Variants in ELF1 observed in about 807,000 individuals in gnomAD.
The protein encoded by ELF1 is E74 like ETS transcription factor 1.
In ELF1, 24 loss-of-function variants were observed where a neutral mutation model predicts 59.9. The ratio of observed to expected loss-of-function variants is 0.40; its 90% CI spans 0.29 to 0.56. The LOEUF is 0.56. Ranked by LOEUF, ELF1 falls within the 20% of genes least tolerant of loss-of-function variation. The pLI, the probability that ELF1 is intolerant of heterozygous loss-of-function variation, is 0.44. For missense variants in ELF1, 627 were observed against 742.2 expected, an observed-to-expected ratio of 0.84 and a Z score of 1.80; for synonymous variants, 248 against 266.2, an observed-to-expected ratio of 0.93 and a Z score of 0.67.
At chr13:40,971,927 TAAAC>T (rs1272662558) in intron 2 of ELF1, among the ~76,000 whole-genome samples, 1 of 141,246 alleles carries the variant, frequency 7.1e-6, no homozygotes, top group East Asian at 2.1e-4. Context: ...AGTTATGAGG[TAAAC>T]AAACAGGTAG....
At chr13:40,961,790 A>C (rs1871838637) in intron 2 of ELF1, among the ~76,000 whole-genome samples, 2 of 152,200 alleles carry the variant, frequency 1.3e-5, no homozygotes. Flanking sequence ...TCCAGAATTA[A>C]GCACTTTTAT....
At chr13:41,045,925 C>T (rs1876824518) in intron 1 of ELF1, among the ~76,000 whole-genome samples, 1 of 152,124 alleles carries the variant, frequency 6.6e-6, no homozygotes, top group African/African-American at 2.4e-5. Flanking sequence ...GTCTAAGTCT[C>T]TCTATAGGTC....
At chr13:40,973,222 G>C (rs1444377141) in intron 2 of ELF1, among the ~76,000 whole-genome samples, 1 of 152,046 alleles carries the variant, frequency 6.6e-6, no homozygotes, top group Non-Finnish European at 1.5e-5. Context: ...TCCTGGTCTC[G>C]TATCTTCAGT....
At chr13:40,963,045 T>G (rs1278565038) in intron 2 of ELF1, among the ~76,000 whole-genome samples, 1 of 152,210 alleles carries the variant, frequency 6.6e-6, no homozygotes. Context: ...ACGAGACATT[T>G]TGCACATTGC....
At chr13:41,014,772 G>C (rs1875260746) in intron 1 of ELF1, among the ~76,000 whole-genome samples, 1 of 152,026 alleles carries the variant, frequency 6.6e-6, no homozygotes, top group Non-Finnish European at 1.5e-5. Context: ...CAAATGAGGG[G>C]AATTTTCTTC....
chr13:40,941,000 G>GTAC lies in ELF1; in HGVS notation c.1174_1176dup (p.Val392dup), dbSNP rs1566165245. ...GCTGCTTCTCCCTCTGGGACAGCCT[G>GTAC]TACTGGCTGTACTACATGAACAGTC... On this transcript the variant is annotated inframe_insertion, in exon 8 of 9. Coordinates refer to ENST00000239882, the MANE Select transcript of ELF1 (RefSeq NM_172373.4). 6.2e-7 allele frequency: 1 copy of GTAC among 1,614,228 alleles called. No homozygotes were observed.
chr13:40,976,704 C>T (rs1473813884), intron 2 of ELF1, among the ~76,000 whole-genome samples: 1 of 152,020 alleles, frequency 6.6e-6, no homozygotes, highest in Non-Finnish European at 1.5e-5. Context: ...ATCACGCCTG[C>T]TAATTTTGTA....
intron 1 of ELF1, among the ~76,000 whole-genome samples, chr13:41,048,500 C>T (rs1246799248): frequency 6.6e-6 from 1 of 152,098 alleles, no homozygotes; most frequent in Non-Finnish European, 1.5e-5. Context: ...CTTACTGCAG[C>T]CTTGACCTCC....
chr13:40,982,525 A>C (rs1217513272), intron 1 of ELF1, among the ~76,000 whole-genome samples: 1 of 151,332 alleles, frequency 6.6e-6, no homozygotes, highest in Non-Finnish European at 1.5e-5. Flanking sequence ...TCTCCAGTTA[A>C]ACTACTGTTA....
chr13:40,933,543 TTC>T lies in ELF1; in HGVS notation c.1740_1741del (p.Asn581HisfsTer2). 1 of 1,614,262 alleles carries T rather than the reference TTC, an allele frequency of 6.2e-7. No homozygotes were observed. The highest frequency in any genetic ancestry group is 8.5e-7 in the Non-Finnish European group (1 of 1,180,048). ...TGGCTGCTGCTCCGTTTTCTCAGTG[TTC>T]TCTTTCAAATGATCTTCAGATTCCT... On this transcript the variant is annotated frameshift_variant, in exon 9 of 9. Coordinates refer to ENST00000239882, the MANE Select transcript of ELF1 (RefSeq NM_172373.4). LOFTEE classifies it high-confidence loss of function.
intron 1 of ELF1, among the ~76,000 whole-genome samples, chr13:41,047,746 G>A (rs1425815183): frequency 3.3e-5 from 5 of 152,246 alleles, no homozygotes; most frequent in Admixed American, 2.6e-4. Flanking sequence ...TGAGGAGGCA[G>A]TCTGACTGTT....
chr13:41,052,005 A>G lies in ELF1; in HGVS notation c.-229+8833T>C, dbSNP rs540073303. On this transcript the variant is annotated intron_variant, in intron 1 of 1. Coordinates refer to the ELF1 transcript ENST00000405737. ...GCCCAGGCTAGAGTGCAATGGCATGATATCGACTCACTGCAACCTCCACTT... is the reference window on the plus strand; with the variant it reads ...GCCCAGGCTAGAGTGCAATGGCATGGTATCGACTCACTGCAACCTCCACTT... 1.0e-3 allele frequency among the ~76,000 whole-genome samples: 148 copies of G among 143,012 alleles called. 1 individual carries two copies. In the South Asian group the frequency reaches 0.015, roughly 14 times the overall value. The allele number at this position is 143,012 out of a possible 152,430, so 93.8% of individuals were successfully genotyped here. A position where few individuals can be genotyped will look rare whatever the true frequency, so the allele number is the denominator to read the frequency against.
intron 1 of ELF1, among the ~76,000 whole-genome samples, chr13:40,994,955 G>A (rs1367363314): frequency 1.3e-5 from 2 of 152,144 alleles, no homozygotes; most frequent in Admixed American, 1.3e-4. Context: ...CTGATTGGGG[G>A]TGAAAAGCCA....
chr13:40,937,496 G>C (rs916234594), intron 8 of ELF1, among the ~76,000 whole-genome samples: 2 of 152,180 alleles, frequency 1.3e-5, no homozygotes, highest in African/African-American at 4.8e-5. Flanking sequence ...TTGAGACAGA[G>C]TCTCACCCTG....
At chr13:41,031,091 T>C (rs1191120169) in intron 1 of ELF1, among the ~76,000 whole-genome samples, 1 of 151,032 alleles carries the variant, frequency 6.6e-6, no homozygotes, top group Non-Finnish European at 1.5e-5. Flanking sequence ...GCCAAGAGGT[T>C]GAGGCTGCAG....
chr13:40,951,471 A>T, intron 3 of ELF1, 35 bp from the exon 4 acceptor site: 4 of 1,540,484 alleles, frequency 2.6e-6, no homozygotes, highest in Non-Finnish European at 3.6e-6. Flanking sequence ...TAAATTAACT[A>T]CGAGACATCT....
Position 40,973,016 on chromosome 13 carries a change from G to C in ELF1, c.72+8967C>G, listed in dbSNP as rs576988270. ...GCTTCCCAGTAGCTCCTTTCCAACA[G>C]AACAATGGAATTTTGTTCTAAAAGT... On this transcript the variant is annotated intron_variant, in intron 2 of 8. Transcript: ENST00000239882. Among the ~76,000 whole-genome samples the C allele has an allele frequency of 4.6e-5, 7 of 152,226 alleles. No individual in the cohort carries two copies. In the East Asian group the frequency reaches 1.3e-3, roughly 29 times the overall value.
chr13:41,037,308 G>A (rs1443903863), intron 1 of ELF1, among the ~76,000 whole-genome samples: 4 of 152,078 alleles, frequency 2.6e-5, no homozygotes, highest in Admixed American at 2.6e-4. Context: ...TAGATCTCAA[G>A]AATCACCCAG....
chr13:41,058,004 T>C (rs1204121176), intron 1 of ELF1, among the ~76,000 whole-genome samples: 2 of 152,238 alleles, frequency 1.3e-5, no homozygotes, highest in African/African-American at 4.8e-5. Context: ...TTTTCTCCAT[T>C]CTATTAATTA....
Sources: allele counts gnomAD v4.1 joint callset (sites outside exome capture counted in the v4.1 genomes callset), GRCh38; gene constraint gnomAD v4.1.1; transcripts MANE v1.5; gene names NCBI Gene and HGNC (gene_info 2026-07-23, HGNC 2026-07-21).